Variants in FSTL4 observed in about 807,000 individuals in gnomAD.
The protein encoded by FSTL4 is follistatin-related protein 4.
Under a neutral mutation model 78.2 loss-of-function variants are expected in FSTL4, and 28 were observed. That is an observed-to-expected ratio of 0.36 (90% CI 0.27 to 0.49). FSTL4 has a LOEUF of 0.49. FSTL4 is among the 20% of genes least tolerant of loss of function. The pLI, the probability that FSTL4 is intolerant of heterozygous loss-of-function variation, is 0.98. For synonymous variants in FSTL4, 422 were observed against 440.5 expected, an observed-to-expected ratio of 0.96 and a Z score of 0.53; for missense variants, 922 against 1,084.9, an observed-to-expected ratio of 0.85 and a Z score of 2.11.
intron 3 of FSTL4, among the ~76,000 whole-genome samples, chr5:133,409,511 A>C (rs1326256530): frequency 6.6e-6 from 1 of 152,134 alleles, no homozygotes; most frequent in Non-Finnish European, 1.5e-5. Flanking sequence ...CACCTAAAGG[A>C]GGCTGCCAAC....
upstream of FSTL4, among the ~76,000 whole-genome samples, chr5:133,614,002 T>C (rs1443640224): frequency 6.6e-6 from 1 of 152,134 alleles, no homozygotes; most frequent in Non-Finnish European, 1.5e-5. Context: ...ACTTTTCATC[T>C]TGGGAAACAG....
At chr5:133,526,607 C>G (rs114737560) in intron 3 of FSTL4, among the ~76,000 whole-genome samples, 10 of 152,290 alleles carry the variant, frequency 6.6e-5, no homozygotes, top group African/African-American at 2.4e-4. Context: ...ATCACACACA[C>G]TCCAACCCCA....
intron 2 of FSTL4, among the ~76,000 whole-genome samples, chr5:133,591,423 T>A (rs1183034137): frequency 6.6e-6 from 1 of 152,178 alleles, no homozygotes; most frequent in Non-Finnish European, 1.5e-5. Flanking sequence ...TGGCTCACGT[T>A]TCTCTGTGTG....
chr5:133,489,660 C>T (rs1758217230), intron 3 of FSTL4, among the ~76,000 whole-genome samples: 1 of 152,168 alleles, frequency 6.6e-6, no homozygotes. Context: ...ATAGACAGCA[C>T]ACTGAGCTGT....
chr5:133,755,874 A>G, the FSTL4 span, among the ~76,000 whole-genome samples: 1 of 152,310 alleles, frequency 6.6e-6, no homozygotes, highest in South Asian at 2.1e-4. Context: ...CAGGGAGAAA[A>G]TCTCTGGCAA....
At chr5:133,723,544 G>T in the FSTL4 span, among the ~76,000 whole-genome samples, 1 of 152,172 alleles carries the variant, frequency 6.6e-6, no homozygotes, top group Non-Finnish European at 1.5e-5. Context: ...TTATGAATCA[G>T]CAGGAAGAAA....
chr5:133,341,344 A>G (rs1226928719), intron 4 of FSTL4, among the ~76,000 whole-genome samples: 1 of 151,720 alleles, frequency 6.6e-6, no homozygotes, highest in East Asian at 1.9e-4. Context: ...TTAAGGTCTC[A>G]GACAAGGTCA....
chr5:133,217,757 A>T (rs1439649786), intron 12 of FSTL4, among the ~76,000 whole-genome samples: 2 of 152,212 alleles, frequency 1.3e-5, no homozygotes, highest in African/African-American at 4.8e-5. Context: ...CTCTGGCTCT[A>T]GTCCTCAGAG....
the FSTL4 span, among the ~76,000 whole-genome samples, chr5:133,757,896 C>G: frequency 1.3e-5 from 2 of 152,116 alleles, no homozygotes; most frequent in Non-Finnish European, 2.9e-5. Context: ...GGGCTTGACA[C>G]GTGTGAAAGG....
intron 3 of FSTL4, among the ~76,000 whole-genome samples, chr5:133,538,557 CT>C (rs77795091): frequency 7.6e-4 from 111 of 146,424 alleles, no homozygotes; most frequent in Middle Eastern, 3.4e-3. Context: ...TCTGCTGAGA[CT>C]TTTTTTTTTT....
chr5:133,636,966 G>A, the FSTL4 span, among the ~76,000 whole-genome samples: 9 of 152,308 alleles, frequency 5.9e-5, no homozygotes, highest in African/African-American at 2.2e-4. Context: ...TGGTTACACA[G>A]CTGGTAAGGA....
chr5:133,679,234 C>T, the FSTL4 span, among the ~76,000 whole-genome samples: 2 of 152,166 alleles, frequency 1.3e-5, no homozygotes, highest in African/African-American at 4.8e-5. Flanking sequence ...CTCTGCCTAG[C>T]ATGTACCCAA....
intron 1 of FSTL4, among the ~76,000 whole-genome samples, chr5:133,606,499 A>G (rs756153836): frequency 6.6e-6 from 1 of 152,194 alleles, no homozygotes; most frequent in Non-Finnish European, 1.5e-5. Context: ...ATGCAGAGCC[A>G]CTTTCCAGAG....
chr5:133,381,210 C>T (rs973413142), intron 4 of FSTL4, among the ~76,000 whole-genome samples: 1 of 152,172 alleles, frequency 6.6e-6, no homozygotes, highest in Non-Finnish European at 1.5e-5. Context: ...AAGAATGATT[C>T]CAGTTGCACA....
chr5:133,627,529 C>T, the FSTL4 span, among the ~76,000 whole-genome samples: 1 of 152,204 alleles, frequency 6.6e-6, no homozygotes, highest in East Asian at 1.9e-4. Context: ...TGTGGGGACA[C>T]AGCCAAACCA....
At chr5:133,692,560 A>T in the FSTL4 span, among the ~76,000 whole-genome samples, 1 of 152,204 alleles carries the variant, frequency 6.6e-6, no homozygotes, top group South Asian at 2.1e-4. Context: ...AGAAATTGAC[A>T]CGGAGAACCC....
At chr5:133,257,874 A>C (rs1752421297) in intron 6 of FSTL4, among the ~76,000 whole-genome samples, 1 of 152,230 alleles carries the variant, frequency 6.6e-6, no homozygotes, top group South Asian at 2.1e-4. Context: ...AGATATTTGC[A>C]AAAGGAGAGT....
At chr5:133,556,573 A>G (rs910805843) in intron 3 of FSTL4, among the ~76,000 whole-genome samples, 4 of 152,172 alleles carry the variant, frequency 2.6e-5, no homozygotes, top group Non-Finnish European at 5.9e-5. Flanking sequence ...CAAAAAATAC[A>G]AAAATTATCT....
At chr5:133,507,918 A>G (rs1464127897) in intron 3 of FSTL4, among the ~76,000 whole-genome samples, 1 of 152,236 alleles carries the variant, frequency 6.6e-6, no homozygotes, top group Non-Finnish European at 1.5e-5. Flanking sequence ...AACTATTTAT[A>G]CAGCACACTG....
Sources: allele counts gnomAD v4.1 joint callset (sites outside exome capture counted in the v4.1 genomes callset), GRCh38; gene constraint gnomAD v4.1.1; transcripts MANE v1.5; gene names NCBI Gene and HGNC (gene_info 2026-07-23, HGNC 2026-07-21).